SCAMP1: variants seen among roughly 807,000 people sequenced by gnomAD.
SCAMP1 encodes secretory carrier-associated membrane protein 1.
Under a neutral mutation model 41.8 loss-of-function variants are expected in SCAMP1, and 15 were observed. The ratio of observed to expected loss-of-function variants is 0.36; its 90% CI spans 0.24 to 0.55. The LOEUF (loss-of-function observed/expected upper bound fraction) is 0.55, where lower values mean the gene tolerates loss of function less well. Ranked by LOEUF, SCAMP1 falls within the 20% of genes least tolerant of loss-of-function variation. SCAMP1 has a pLI of 0.86. For missense variants in SCAMP1, 341 were observed against 412.6 expected (o/e 0.83, Z 1.50); for synonymous variants, 135 against 136.8 (o/e 0.99, Z 0.09).
intron 7 of SCAMP1, among the ~76,000 whole-genome samples, chr5:78,455,503 A>G (rs1202342195): frequency 7.7e-6 from 1 of 130,098 alleles, no homozygotes; most frequent in Non-Finnish European, 1.6e-5. Context: ...TTTGAGTGAG[A>G]TTCTTAATCC....
intron 5 of SCAMP1, among the ~76,000 whole-genome samples, chr5:78,420,717 A>G (rs66864468): frequency 0.27 from 41,430 of 152,038 alleles, 5,942 homozygotes; most frequent in East Asian, 0.54. Context: ...AAAAAAAAAC[A>G]AAAAACAAAA....
chr5:78,460,922 C>T (rs1753594978), intron 8 of SCAMP1, among the ~76,000 whole-genome samples: 1 of 151,772 alleles, frequency 6.6e-6, no homozygotes, highest in African/African-American at 2.4e-5. Flanking sequence ...GTGGCTCAAT[C>T]TCAGCTCATT....
intron 2 of SCAMP1, among the ~76,000 whole-genome samples, chr5:78,415,245 G>T (rs1752181962): frequency 6.6e-6 from 1 of 152,196 alleles, no homozygotes; most frequent in African/African-American, 2.4e-5. Context: ...GAGCCACCAT[G>T]CCTGGCCTCT....
intron 2 of SCAMP1, among the ~76,000 whole-genome samples, chr5:78,392,308 G>A (rs1247519518): frequency 4.6e-5 from 7 of 152,138 alleles, no homozygotes; most frequent in African/African-American, 1.7e-4. Context: ...TACTAATAAA[G>A]ATCTGAGACA....
intron 8 of SCAMP1, among the ~76,000 whole-genome samples, chr5:78,472,529 G>A (rs1236502396): frequency 2.0e-5 from 3 of 152,006 alleles, no homozygotes; most frequent in East Asian, 1.9e-4. Flanking sequence ...TTTTAAAGAT[G>A]TTCATCCTGA....
At chr5:78,374,700 T>A (rs1281566767) in intron 1 of SCAMP1, among the ~76,000 whole-genome samples, 1 of 152,122 alleles carries the variant, frequency 6.6e-6, no homozygotes, top group African/African-American at 2.4e-5. Flanking sequence ...TACTCGATAA[T>A]CAAACAGATG....
At chr5:78,448,861 A>G (rs564118567) in intron 6 of SCAMP1, among the ~76,000 whole-genome samples, 8 of 152,254 alleles carry the variant, frequency 5.3e-5, no homozygotes, top group African/African-American at 1.9e-4. Flanking sequence ...TTAGCTGGGC[A>G]TGGTGGCCCA....
chr5:78,363,489 G>A (rs1173034490), intron 1 of SCAMP1, among the ~76,000 whole-genome samples: 3 of 152,232 alleles, frequency 2.0e-5, no homozygotes, highest in South Asian at 2.1e-4. Context: ...GATTACAGGC[G>A]TGAACCACTG....
chr5:78,451,493 TG>T (rs1390737480), intron 7 of SCAMP1, among the ~76,000 whole-genome samples: 1 of 152,212 alleles, frequency 6.6e-6, no homozygotes, highest in Non-Finnish European at 1.5e-5. Flanking sequence ...CCTTAACCCC[TG>T]GCAATCACTA....
Position 78,459,296 on chromosome 5 carries a change from CATG to C in SCAMP1, c.792_794del (p.Met264del). Reference sequence around the variant, plus strand: ...TCAACCAAAATATTCCTGTTGGAATCATGATGATAATCATAGCAGCACTTTTCA... The same window carrying C: ...TCAACCAAAATATTCCTGTTGGAATCATGATAATCATAGCAGCACTTTTCA... On this transcript the variant is annotated inframe_deletion, in exon 8 of 9. Coordinates refer to ENST00000621999, the MANE Select transcript of SCAMP1 (RefSeq NM_004866.6). 1 of 1,608,464 alleles carries C rather than the reference CATG, an allele frequency of 6.2e-7. No homozygotes were observed. Among genetic ancestry groups the C allele is most frequent in the Non-Finnish European group, 8.5e-7 (1 of 1,175,458 alleles).
chr5:78,455,541 C>G (rs1753369207), intron 7 of SCAMP1, among the ~76,000 whole-genome samples: 1 of 126,564 alleles, frequency 7.9e-6, no homozygotes, highest in African/African-American at 3.1e-5. Context: ...GCACTGTGGT[C>G]TGAGAGATAG....
intron 2 of SCAMP1, among the ~76,000 whole-genome samples, chr5:78,399,215 C>T (rs955389294): frequency 1.3e-5 from 2 of 152,158 alleles, no homozygotes; most frequent in Non-Finnish European, 2.9e-5. Flanking sequence ...TAGCCATCCA[C>T]AAACTCAAGG....
intron 6 of SCAMP1, among the ~76,000 whole-genome samples, chr5:78,449,102 C>G (rs906733591): frequency 6.6e-6 from 1 of 151,892 alleles, no homozygotes; most frequent in African/African-American, 2.4e-5. Context: ...TATGTTCCAG[C>G]CTTCCCACTT....
chr5:78,414,319 G>C (rs1017146430), intron 2 of SCAMP1, among the ~76,000 whole-genome samples: 6 of 151,818 alleles, frequency 4.0e-5, no homozygotes, highest in African/African-American at 1.5e-4. Flanking sequence ...GTCTTGCTCT[G>C]TCTCCCAGGC....
intron 7 of SCAMP1, among the ~76,000 whole-genome samples, chr5:78,458,463 T>G (rs1376983005): frequency 6.6e-6 from 1 of 152,232 alleles, no homozygotes; most frequent in Non-Finnish European, 1.5e-5. Flanking sequence ...TTTATCCATT[T>G]TCTTAATTTT....
chr5:78,472,435 C>T (rs905314382), intron 8 of SCAMP1, among the ~76,000 whole-genome samples: 7 of 151,434 alleles, frequency 4.6e-5, no homozygotes, highest in African/African-American at 1.7e-4. Flanking sequence ...AATTATAGTA[C>T]TTGGTGTCAA....
chr5:78,367,427 T>C (rs1252961694), intron 1 of SCAMP1, among the ~76,000 whole-genome samples: 1 of 152,200 alleles, frequency 6.6e-6, no homozygotes, highest in Non-Finnish European at 1.5e-5. Context: ...ATATCCTTAC[T>C]CAAGTGCCTG....
intron 2 of SCAMP1, among the ~76,000 whole-genome samples, chr5:78,403,904 G>A (rs1017958129): frequency 1.5e-5 from 2 of 137,470 alleles, no homozygotes; most frequent in African/African-American, 5.4e-5. Flanking sequence ...GGCGGAGGCT[G>A]CAGTGAGCCA....
Position 78,420,166 on chromosome 5 carries a change from G to A in SCAMP1, c.472+1263G>A, listed in dbSNP as rs139148904. 6.0e-3 allele frequency among the ~76,000 whole-genome samples: 908 copies of A among 152,140 alleles called. 4 individuals are homozygous for A. Among genetic ancestry groups the A allele is most frequent in the African/African-American group, 0.02 (847 of 41,508 alleles). Reference sequence around the variant, plus strand: ...CGCTTCCCGGGTTCAAGTGATTCTCGTGCCTCAGCCTCCTGAGTAGCTGGG... The same window carrying A: ...CGCTTCCCGGGTTCAAGTGATTCTCATGCCTCAGCCTCCTGAGTAGCTGGG... On this transcript the variant is annotated intron_variant, in intron 5 of 8. Transcript: ENST00000621999.
Sources: gnomAD v4.1 joint callset for allele counts (sites outside exome capture counted in the v4.1 genomes callset) on GRCh38, gnomAD v4.1.1 for gene constraint, MANE v1.5 for transcripts, NCBI Gene and HGNC (gene_info 2026-07-23, HGNC 2026-07-21) for gene names.